The following FBXO38 variants were observed in gnomAD, a reference collection of about 807,000 sequenced individuals.
FBXO38 encodes F-box protein 38.
A neutral mutation model predicts 131.9 loss-of-function variants in FBXO38; 53 were observed. That is an observed-to-expected ratio of 0.40 (90% CI 0.32 to 0.51). The LOEUF is 0.51. Among genes scored for constraint, FBXO38 ranks in the 20% least tolerant of loss-of-function variants. The pLI is 0.53. For synonymous variants in FBXO38, 452 were observed against 505.6 expected, an observed-to-expected ratio of 0.89 and a Z score of 1.42; for missense variants, 1,076 against 1,475.6, an observed-to-expected ratio of 0.73 and a Z score of 4.44.
intron 12 of FBXO38, among the ~76,000 whole-genome samples, chr5:148,422,359 T>C (rs1385073562): frequency 6.6e-6 from 1 of 152,144 alleles, no homozygotes; most frequent in East Asian, 1.9e-4. Context: ...ATTCCCTCCT[T>C]CCATGTTTTC....
chr5:148,441,282 G>A (rs1406570958), intron 21 of FBXO38, 45 bp downstream of exon 21: 1 of 1,357,312 alleles, frequency 7.4e-7, no homozygotes, highest in African/African-American at 1.4e-5. Context: ...TTTAAGTATA[G>A]CCTACTGTGT....
chr5:148,408,993 GC>G, intron 7 of FBXO38, 130 bp from the exon 8 acceptor site: 3 of 555,156 alleles, frequency 5.4e-6, no homozygotes, highest in Non-Finnish European at 6.4e-6. Flanking sequence ...TAATTTCAAT[GC>G]AAAAACAAAG....
chr5:148,428,078 T>C, intron 15 of FBXO38, 131 bp downstream of exon 15: 1 of 1,024,544 alleles, frequency 9.8e-7, no homozygotes, highest in Non-Finnish European at 1.3e-6. Flanking sequence ...GTGGGTCATG[T>C]GAATTTTGAA....
intron 11 of FBXO38, 93 bp downstream of exon 11, chr5:148,416,163 T>A: frequency 7.8e-7 from 1 of 1,282,398 alleles, no homozygotes; most frequent in Non-Finnish European, 1.1e-6. Flanking sequence ...TTCAATGATA[T>A]GCCTTTACGG....
intron 7 of FBXO38, 141 bp downstream of exon 7, chr5:148,406,535 G>T (rs1397188774): frequency 1.6e-6 from 1 of 641,710 alleles, no homozygotes; most frequent in Admixed American, 3.6e-5. Context: ...TTGATGGACA[G>T]TAAGTAACCA....
rs1753817243 is a variant in FBXO38 at position 148,427,869 on chromosome 5, T to C, written c.2575T>C (p.Ser859Pro). 6.3e-7 allele frequency: 1 copy of C among 1,575,156 alleles called. No individual in the cohort carries two copies. Among genetic ancestry groups the C allele is most frequent in the Admixed American group, 1.8e-5 (1 of 54,792 alleles). The change falls in exon 15 of 22, where the codon TCT becomes CCT. Residue 859 changes from serine to proline, a missense_variant. Coordinates refer to ENST00000340253, the MANE Select transcript of FBXO38 (RefSeq NM_205836.3). ...SSQPESCDVQ[S>P]NEDYPRRPLT... ...CCAGCCTGAGAGTTGTGACGTGCAG[T>C]CTAATGAAGACTACCCTCGGAGGCC...
chr5:148,401,618 G>T (rs1411244856), intron 3 of FBXO38, among the ~76,000 whole-genome samples: 3 of 152,134 alleles, frequency 2.0e-5, no homozygotes, highest in Non-Finnish European at 2.9e-5. Flanking sequence ...ACCCATGGGG[G>T]AGGAGGAGGG....
At chr5:148,430,681 TAAAG>T (rs749703909) in intron 15 of FBXO38, 2 of 152,248 alleles carry the variant, frequency 1.3e-5, no homozygotes, top group Admixed American at 6.5e-5. Flanking sequence ...TCCAAACTAA[TAAAG>T]GAAGAAACTT....
At chr5:148,440,673 C>G (rs78155568) in intron 20 of FBXO38, 146 bp downstream of exon 20, 39 of 574,754 alleles carry the variant, frequency 6.8e-5, no homozygotes, top group Middle Eastern at 4.3e-4. Flanking sequence ...GGCCCTTTCT[C>G]ATTCACGGAT....
chr5:148,388,795 C>G (rs1010167144), intron 1 of FBXO38, among the ~76,000 whole-genome samples: 1 of 152,204 alleles, frequency 6.6e-6, no homozygotes, highest in Non-Finnish European at 1.5e-5. Flanking sequence ...GGCTGTCTTG[C>G]TTTCTTATCA....
In FBXO38 at chr5:148,441,140, T is replaced by C. The variant is rs1754661398; in HGVS notation, c.3291T>C (p.Ala1097=). ...IYTLEGVVDG[A]PYSMISDFPW... ...GTCTTTTAGGTGTTGTGGATGGAGC[T>C]CCATATTCCATGATTTCTGACTTCC... The change falls in exon 21 of 22, where the codon GCT becomes GCC. Residue 1097 remains alanine, a synonymous_variant. Transcript: ENST00000340253. The C allele has an allele frequency of 1.2e-6, 2 of 1,613,772 alleles. No homozygotes were observed. Among genetic ancestry groups the C allele is most frequent in the Non-Finnish European group, 1.7e-6 (2 of 1,179,784 alleles).
intron 17 of FBXO38, 123 bp from the exon 18 acceptor site, chr5:148,438,209 C>T: frequency 1.2e-6 from 1 of 811,736 alleles, no homozygotes. Context: ...GTGATTTGTA[C>T]TCTATGATAT....
At chr5:148,435,573 C>A (rs959623253) in intron 17 of FBXO38, among the ~76,000 whole-genome samples, 1 of 152,166 alleles carries the variant, frequency 6.6e-6, no homozygotes, top group African/African-American at 2.4e-5. Flanking sequence ...AGATCAAGAC[C>A]ATCCTCGCTA....
chr5:148,396,236 GTC>G (rs1561515004), intron 2 of FBXO38, among the ~76,000 whole-genome samples: 1 of 152,028 alleles, frequency 6.6e-6, no homozygotes, highest in Non-Finnish European at 1.5e-5. Flanking sequence ...CAGAAAAAAA[GTC>G]TGTCAGAATA....
In FBXO38 at chr5:148,409,082, A is replaced by G. The variant is rs368799795; in HGVS notation, c.869-42A>G. ...GTATAGTATATAAATACTTCACTAA[A>G]AATGCTATGGTCAAACACTTGTTTT... On this transcript the variant is annotated intron_variant, in intron 7 of 21. Coordinates refer to ENST00000340253, the MANE Select transcript of FBXO38 (RefSeq NM_205836.3). The G allele has an allele frequency of 2.1e-5, 24 of 1,128,124 alleles. No individual in the cohort carries two copies. The African/African-American group carries it at 3.1e-4, about 14-fold the overall frequency. The allele number at this position is 1,128,124 out of a possible 1,614,324, so 69.9% of individuals were successfully genotyped here.
rs757403147 is a variant in FBXO38 at position 148,402,154 on chromosome 5, A to C, written c.426+9A>C. On this transcript the variant is annotated intron_variant, in intron 4 of 21. Transcript: ENST00000340253. ...CATGCCCAAACTTAGTGGTGAGTGC[A>C]CCTGGTTGAACATTTTGGCATCAAC... The C allele has an allele frequency of 6.3e-7, 1 of 1,599,104 alleles. No homozygotes were observed. The highest frequency in any genetic ancestry group is 8.6e-7 in the Non-Finnish European group (1 of 1,169,438).
intron 17 of FBXO38, among the ~76,000 whole-genome samples, chr5:148,436,532 A>C (rs571720027): frequency 6.6e-6 from 1 of 152,246 alleles, no homozygotes; most frequent in African/African-American, 2.4e-5. Flanking sequence ...AATCTAAAAC[A>C]CTTCTGGTCC....
intron 12 of FBXO38, among the ~76,000 whole-genome samples, chr5:148,419,066 A>G (rs1488707080): frequency 6.6e-6 from 1 of 152,234 alleles, no homozygotes; most frequent in Non-Finnish European, 1.5e-5. Context: ...CAGCTTCAGC[A>G]GTTACCTAGG....
At chr5:148,389,295 T>C (rs1424627429) in intron 1 of FBXO38, among the ~76,000 whole-genome samples, 2 of 152,190 alleles carry the variant, frequency 1.3e-5, no homozygotes, top group Non-Finnish European at 2.9e-5. Flanking sequence ...CACACAGACA[T>C]GAAGTGAGCA....
Sources: allele counts gnomAD v4.1 joint callset (sites outside exome capture counted in the v4.1 genomes callset), GRCh38; gene constraint gnomAD v4.1.1; transcripts MANE v1.5; gene names NCBI Gene and HGNC (gene_info 2026-07-23, HGNC 2026-07-21).